Variants in STARD13 observed in about 807,000 individuals in gnomAD.
STARD13 encodes StAR related lipid transfer domain containing 13.
In STARD13, 62 loss-of-function variants were observed where a neutral mutation model predicts 106.4. That is an observed-to-expected ratio of 0.58 (90% CI 0.48 to 0.72). The LOEUF is 0.72. Ranked by LOEUF, STARD13 falls within the 30% of genes least tolerant of loss-of-function variation. The pLI, the probability that STARD13 is intolerant of heterozygous loss-of-function variation, is 0.00. For synonymous variants in STARD13, 565 were observed against 553.0 expected (o/e 1.02, Z -0.31); for missense variants, 1,387 against 1,424.0 (o/e 0.97, Z 0.42).
At chr13:33,534,936 G>A in the STARD13 span, among the ~76,000 whole-genome samples, 1 of 152,004 alleles carries the variant, frequency 6.6e-6, no homozygotes, top group African/African-American at 2.4e-5. Flanking sequence ...AAGGAGAACC[G>A]GGCCGTTTGT....
intron 1 of STARD13, among the ~76,000 whole-genome samples, chr13:33,274,479 C>A (rs1337759825): frequency 6.6e-6 from 1 of 152,190 alleles, no homozygotes; most frequent in African/African-American, 2.4e-5. Context: ...GATTAAGTCA[C>A]CCAGTCTCTG....
At chr13:33,338,534 G>A (rs4943096) in intron 1 of STARD13, among the ~76,000 whole-genome samples, 84,333 of 151,892 alleles carry the variant, frequency 0.56, 25,154 homozygotes, top group East Asian at 0.94. Flanking sequence ...GGATCGATAC[G>A]AGATGCTGCC....
chr13:33,377,360 A>G, the STARD13 span, among the ~76,000 whole-genome samples: 13 of 152,216 alleles, frequency 8.5e-5, no homozygotes, highest in African/African-American at 2.9e-4. Flanking sequence ...ACATCTGGGA[A>G]AAATACTGAA....
At chr13:33,168,420 T>C (rs756337744) in intron 1 of STARD13, among the ~76,000 whole-genome samples, 2 of 152,044 alleles carry the variant, frequency 1.3e-5, no homozygotes, top group African/African-American at 2.4e-5. Context: ...TGGAGTGAGA[T>C]AGGAGGAGTC....
chr13:33,647,456 A>T, the STARD13 span, among the ~76,000 whole-genome samples: 1 of 152,188 alleles, frequency 6.6e-6, no homozygotes, highest in Non-Finnish European at 1.5e-5. Flanking sequence ...AGGTCAACAG[A>T]GGTCATTCAG....
chr13:33,287,002 A>G (rs1378283584), upstream of STARD13, among the ~76,000 whole-genome samples: 1 of 152,160 alleles, frequency 6.6e-6, no homozygotes, highest in Non-Finnish European at 1.5e-5. Context: ...GTGAAGAGAA[A>G]AAGTCCACAG....
the STARD13 span, among the ~76,000 whole-genome samples, chr13:33,541,223 A>G: frequency 2.6e-5 from 4 of 152,224 alleles, no homozygotes; most frequent in East Asian, 7.7e-4. Context: ...TGAAGTATGC[A>G]ATGATGAAAT....
chr13:33,395,712 G>C, the STARD13 span, among the ~76,000 whole-genome samples: 2 of 152,008 alleles, frequency 1.3e-5, no homozygotes, highest in Admixed American at 6.6e-5. Context: ...TTGTTACTTG[G>C]TTAACTATTA....
At chr13:33,613,686 A>G in the STARD13 span, among the ~76,000 whole-genome samples, 1 of 152,326 alleles carries the variant, frequency 6.6e-6, no homozygotes, top group East Asian at 1.9e-4. Flanking sequence ...TGAAGGAGTG[A>G]GAGAATGAAG....
the STARD13 span, among the ~76,000 whole-genome samples, chr13:33,590,451 A>C: frequency 1.3e-5 from 2 of 151,966 alleles, no homozygotes; most frequent in African/African-American, 2.4e-5. Context: ...AACCAACCCA[A>C]ATGTCCATCA....
the STARD13 span, among the ~76,000 whole-genome samples, chr13:33,449,974 GT>G: frequency 3.3e-5 from 5 of 152,050 alleles, no homozygotes; most frequent in Admixed American, 6.6e-5. Context: ...AGTTCTAATA[GT>G]TTTTTTGTGT....
At chr13:33,403,393 C>T in the STARD13 span, among the ~76,000 whole-genome samples, 1 of 152,158 alleles carries the variant, frequency 6.6e-6, no homozygotes, top group African/African-American at 2.4e-5. Context: ...GTTTCCTAAA[C>T]TAATTGTTTT....
the STARD13 span, among the ~76,000 whole-genome samples, chr13:33,455,538 A>T: frequency 7.8e-4 from 119 of 152,300 alleles, no homozygotes; most frequent in African/African-American, 2.6e-3. Flanking sequence ...TGCCTTCTAG[A>T]ACAAGAGTTA....
chr13:33,268,689 A>C (rs1891022490), intron 1 of STARD13, among the ~76,000 whole-genome samples: 1 of 152,262 alleles, frequency 6.6e-6, no homozygotes, highest in African/African-American at 2.4e-5. Context: ...AGAGCAATGA[A>C]CATGGCCTCT....
intron 1 of STARD13, among the ~76,000 whole-genome samples, chr13:33,339,907 A>AG (rs2077940895): frequency 6.6e-6 from 1 of 152,124 alleles, no homozygotes; most frequent in African/African-American, 2.4e-5. Context: ...TCTGTCTCAA[A>AG]GAAAAAAAAA....
chr13:33,268,867 G>C (rs1300848841), intron 1 of STARD13, among the ~76,000 whole-genome samples: 1 of 152,232 alleles, frequency 6.6e-6, no homozygotes, highest in Non-Finnish European at 1.5e-5. Context: ...TGTTCAGTGA[G>C]CAGAGCCAGC....
At chr13:33,170,676 G>A (rs557804091) in intron 1 of STARD13, among the ~76,000 whole-genome samples, 5 of 152,204 alleles carry the variant, frequency 3.3e-5, no homozygotes, top group African/African-American at 9.6e-5. Flanking sequence ...GTGACTCCTC[G>A]TGTAGCATCA....
At chr13:33,333,590 G>A (rs2077861647) in intron 1 of STARD13, 1 of 152,168 alleles carries the variant, frequency 6.6e-6, no homozygotes, top group Admixed American at 6.5e-5. Flanking sequence ...CTGAGGTTGG[G>A]ATCATGGCAG....
At chr13:33,523,892 A>G in the STARD13 span, among the ~76,000 whole-genome samples, 3 of 152,148 alleles carry the variant, frequency 2.0e-5, no homozygotes, top group African/African-American at 7.2e-5. Flanking sequence ...ACTTTTAAAC[A>G]TAGTTCAAGG....
Sources: allele counts gnomAD v4.1 joint callset (sites outside exome capture counted in the v4.1 genomes callset), GRCh38; gene constraint gnomAD v4.1.1; transcripts MANE v1.5; gene names NCBI Gene and HGNC (gene_info 2026-07-23, HGNC 2026-07-21).